Variants in TMEM108 observed in about 807,000 individuals in gnomAD.
TMEM108 encodes the protein cancer/testis antigen 124.
A neutral mutation model predicts 35.1 loss-of-function variants in TMEM108; 12 were observed. That is an observed-to-expected ratio of 0.34 (90% CI 0.22 to 0.55). The LOEUF (loss-of-function observed/expected upper bound fraction) is 0.55. Among genes scored for constraint, TMEM108 ranks in the 20% least tolerant of loss-of-function variants. TMEM108 has a pLI of 0.89. For missense variants in TMEM108, 680 were observed against 753.3 expected (o/e 0.90, Z 1.14); for synonymous variants, 287 against 308.6 (o/e 0.93, Z 0.73).
intron 3 of TMEM108, among the ~76,000 whole-genome samples, chr3:133,334,988 A>G (rs1678767795): frequency 6.6e-6 from 1 of 152,212 alleles, no homozygotes; most frequent in Non-Finnish European, 1.5e-5. Context: ...CTTATTTTAC[A>G]TAGGATTGGT....
At chr3:133,061,405 G>A (rs1338365728) in intron 2 of TMEM108, among the ~76,000 whole-genome samples, 1 of 152,004 alleles carries the variant, frequency 6.6e-6, no homozygotes, top group Non-Finnish European at 1.5e-5. Context: ...AGTAGAGATG[G>A]GGTTTCACCG....
At chr3:133,367,608 A>C (rs1004850331) in intron 3 of TMEM108, among the ~76,000 whole-genome samples, 3 of 152,250 alleles carry the variant, frequency 2.0e-5, no homozygotes, top group African/African-American at 7.2e-5. Flanking sequence ...TGAGGAGAGC[A>C]GGGCCAGACA....
chr3:133,238,288 C>T (rs1185679589), intron 3 of TMEM108, among the ~76,000 whole-genome samples: 1 of 150,798 alleles, frequency 6.6e-6, no homozygotes, highest in Non-Finnish European at 1.5e-5. Flanking sequence ...TCATCCATTC[C>T]TTTGTTTCCA....
intron 3 of TMEM108, among the ~76,000 whole-genome samples, chr3:133,327,829 T>C (rs1409170789): frequency 6.6e-6 from 1 of 151,694 alleles, no homozygotes; most frequent in Non-Finnish European, 1.5e-5. Context: ...GTCAAGAAAG[T>C]TGTGAAAAGC....
At chr3:133,328,541 G>A (rs1031443454) in intron 3 of TMEM108, among the ~76,000 whole-genome samples, 1 of 152,126 alleles carries the variant, frequency 6.6e-6, no homozygotes, top group Non-Finnish European at 1.5e-5. Flanking sequence ...GGTTCAGCAG[G>A]GTGTCTTCCC....
At chr3:133,049,869 A>T (rs898249252) in intron 2 of TMEM108, among the ~76,000 whole-genome samples, 2 of 152,126 alleles carry the variant, frequency 1.3e-5, no homozygotes, top group African/African-American at 4.8e-5. Flanking sequence ...GGCTCAAAAA[A>T]AGTGTTTCAT....
At chr3:133,067,222 T>C (rs1943618786) in intron 2 of TMEM108, among the ~76,000 whole-genome samples, 1 of 152,202 alleles carries the variant, frequency 6.6e-6, no homozygotes, top group African/African-American at 2.4e-5. Flanking sequence ...TCAAATTATT[T>C]TCCAAAGAGA....
chr3:133,119,398 A>G (rs1286010154), intron 2 of TMEM108: 1 of 152,234 alleles, frequency 6.6e-6, no homozygotes, highest in African/African-American at 2.4e-5. Flanking sequence ...TCATTTAAAA[A>G]TAAATCCAGA....
chr3:133,159,706 G>C (rs905222726), intron 2 of TMEM108, among the ~76,000 whole-genome samples: 1 of 152,202 alleles, frequency 6.6e-6, no homozygotes, highest in South Asian at 2.1e-4. Flanking sequence ...GAGTCACAGA[G>C]ACGTTAAATG....
intron 2 of TMEM108, among the ~76,000 whole-genome samples, chr3:133,189,630 A>C (rs1269253872): frequency 1.3e-5 from 2 of 152,226 alleles, no homozygotes; most frequent in African/African-American, 4.8e-5. Flanking sequence ...TGTCTAGTTA[A>C]CAGAAGTTTA....
intron 2 of TMEM108, among the ~76,000 whole-genome samples, chr3:133,085,017 C>T (rs990672482): frequency 2.0e-5 from 3 of 152,134 alleles, no homozygotes; most frequent in African/African-American, 4.8e-5. Context: ...AAGCACCTCG[C>T]GAGGCCTCAT....
intron 3 of TMEM108, among the ~76,000 whole-genome samples, chr3:133,284,779 A>G (rs1396538929): frequency 1.3e-5 from 2 of 152,220 alleles, no homozygotes; most frequent in Non-Finnish European, 2.9e-5. Context: ...ATTCAAACCA[A>G]GAATTATCTA....
At chr3:133,129,406 T>G (rs1217196526) in intron 2 of TMEM108, among the ~76,000 whole-genome samples, 2 of 133,582 alleles carry the variant, frequency 1.5e-5, no homozygotes. Flanking sequence ...CTGGTGAAAA[T>G]GCATGGTAAC....
At chr3:133,220,585 A>G (rs1454480787) in intron 2 of TMEM108, among the ~76,000 whole-genome samples, 2 of 152,212 alleles carry the variant, frequency 1.3e-5, no homozygotes, top group Admixed American at 6.5e-5. Flanking sequence ...GAATAAATTT[A>G]TGTATTTATT....
intron 2 of TMEM108, among the ~76,000 whole-genome samples, chr3:133,169,841 C>A (rs1441723681): frequency 6.6e-6 from 1 of 151,660 alleles, no homozygotes; most frequent in Non-Finnish European, 1.5e-5. Flanking sequence ...TGTAGATTAG[C>A]CCCAATGAGT....
intron 2 of TMEM108, among the ~76,000 whole-genome samples, chr3:133,052,686 T>C (rs1218595497): frequency 2.0e-5 from 3 of 152,110 alleles, no homozygotes; most frequent in East Asian, 3.8e-4. Context: ...TGGTTTGCCT[T>C]TCTTACCCAT....
chr3:133,351,078 A>C (rs1310835304), intron 3 of TMEM108, among the ~76,000 whole-genome samples: 1 of 152,164 alleles, frequency 6.6e-6, no homozygotes, highest in Non-Finnish European at 1.5e-5. Flanking sequence ...GGTTGGGGGT[A>C]TAGGTGGGAG....
chr3:133,299,017 G>C (rs1262302436), intron 3 of TMEM108, among the ~76,000 whole-genome samples: 1 of 152,118 alleles, frequency 6.6e-6, no homozygotes, highest in East Asian at 1.9e-4. Flanking sequence ...TTCCCATTGG[G>C]GAAATCTGAA....
intron 3 of TMEM108, among the ~76,000 whole-genome samples, chr3:133,334,615 G>A (rs1367525217): frequency 1.3e-5 from 2 of 152,074 alleles, no homozygotes; most frequent in African/African-American, 4.8e-5. Context: ...TCACTCCTTG[G>A]GGCAGGTCTG....
Sources: gnomAD v4.1 joint callset for allele counts (sites outside exome capture counted in the v4.1 genomes callset) on GRCh38, gnomAD v4.1.1 for gene constraint, MANE v1.5 for transcripts, NCBI Gene and HGNC (gene_info 2026-07-23, HGNC 2026-07-21) for gene names.